Variants in RNF220 observed in about 807,000 individuals in gnomAD.
RNF220 encodes the protein ring finger protein 220, also known as E3 ubiquitin-protein ligase RNF220.
In RNF220, 7 loss-of-function variants were observed where a neutral mutation model predicts 67.1. The ratio of observed to expected loss-of-function variants is 0.10; its 90% CI spans 0.06 to 0.20. RNF220 has a LOEUF of 0.20. RNF220 is among the 10% of genes least tolerant of loss of function. The probability of loss-of-function intolerance (pLI) is 1.00; values close to 1 mark genes in which losing one functional copy is unlikely to be tolerated. For synonymous variants in RNF220, 270 were observed against 283.2 expected, an observed-to-expected ratio of 0.95 and a Z score of 0.47; for missense variants, 565 against 740.3, an observed-to-expected ratio of 0.76 and a Z score of 2.75.
chr1:44,596,948 T>C (rs1666541276), intron 2 of RNF220, among the ~76,000 whole-genome samples: 1 of 152,172 alleles, frequency 6.6e-6, no homozygotes, highest in Admixed American at 6.5e-5. Flanking sequence ...TAATTAATAC[T>C]ATGGCTCAGC....
intron 2 of RNF220, among the ~76,000 whole-genome samples, chr1:44,458,798 T>G (rs758044973): frequency 6.6e-6 from 1 of 152,186 alleles, no homozygotes; most frequent in Non-Finnish European, 1.5e-5. Context: ...ACTCAGCTGG[T>G]AAAAGTGGAA....
At chr1:44,447,236 T>C (rs990055777) in intron 2 of RNF220, among the ~76,000 whole-genome samples, 2 of 152,208 alleles carry the variant, frequency 1.3e-5, no homozygotes, top group Non-Finnish European at 2.9e-5. Context: ...ACACCAGCTG[T>C]GATTCATATA....
intron 2 of RNF220, among the ~76,000 whole-genome samples, chr1:44,453,651 A>T (rs1652900199): frequency 6.6e-6 from 1 of 152,038 alleles, no homozygotes; most frequent in Non-Finnish European, 1.5e-5. Flanking sequence ...TACTAGATAA[A>T]TTTTATCTAG....
At chr1:44,425,570 G>A (rs1649678630) in intron 2 of RNF220, among the ~76,000 whole-genome samples, 1 of 152,084 alleles carries the variant, frequency 6.6e-6, no homozygotes, top group African/African-American at 2.4e-5. Flanking sequence ...ATAGAGGAAC[G>A]GTTCAGCAAT....
chr1:44,577,838 C>CT (rs35754102), intron 2 of RNF220, among the ~76,000 whole-genome samples: 25,716 of 140,280 alleles, frequency 0.18, 2,424 homozygotes, highest in Middle Eastern at 0.27. Flanking sequence ...TGTCAAATGC[C>CT]TTTTTTTTTT....
At chr1:44,601,106 C>T (rs1283937048) in intron 2 of RNF220, among the ~76,000 whole-genome samples, 1 of 152,108 alleles carries the variant, frequency 6.6e-6, no homozygotes, top group Non-Finnish European at 1.5e-5. Context: ...TCCCTAGACC[C>T]CGGTATATTG....
At chr1:44,509,600 C>T (rs1304868704) in intron 2 of RNF220, among the ~76,000 whole-genome samples, 1 of 149,032 alleles carries the variant, frequency 6.7e-6, no homozygotes, top group African/African-American at 2.5e-5. Flanking sequence ...AAAGAAAATA[C>T]GCATAGGCTG....
chr1:44,647,330 A>C (rs1419985956), intron 12 of RNF220, among the ~76,000 whole-genome samples: 1 of 152,186 alleles, frequency 6.6e-6, no homozygotes, highest in Admixed American at 6.5e-5. Flanking sequence ...ACAGCTACAA[A>C]TCCTTGTCTC....
At chr1:44,500,776 A>C (rs1572692768) in intron 2 of RNF220, among the ~76,000 whole-genome samples, 1 of 151,460 alleles carries the variant, frequency 6.6e-6, no homozygotes. Flanking sequence ...GCTGCTGCTG[A>C]GGGAGGGAGT....
chr1:44,523,220 T>C (rs1018431841), intron 2 of RNF220, among the ~76,000 whole-genome samples: 2 of 152,192 alleles, frequency 1.3e-5, no homozygotes, highest in Non-Finnish European at 2.9e-5. Flanking sequence ...TGCACTGGGC[T>C]GATGGCTCCC....
intron 2 of RNF220, among the ~76,000 whole-genome samples, chr1:44,413,080 A>G (rs1443079607): frequency 6.6e-6 from 1 of 152,038 alleles, no homozygotes; most frequent in African/African-American, 2.4e-5. Flanking sequence ...GCCTAAAGAA[A>G]CATGTCCACC....
At chr1:44,468,815 G>T (rs1356920392) in intron 2 of RNF220, among the ~76,000 whole-genome samples, 1 of 152,124 alleles carries the variant, frequency 6.6e-6, no homozygotes, top group Non-Finnish European at 1.5e-5. Context: ...TACTTGAGAG[G>T]CTGAGGCACG....
intron 2 of RNF220, among the ~76,000 whole-genome samples, chr1:44,556,249 G>A (rs971225406): frequency 1.1e-4 from 17 of 150,178 alleles, no homozygotes; most frequent in African/African-American, 4.2e-4. Flanking sequence ...GGCCAGGCTG[G>A]TCTCGAACTC....
chr1:44,645,248 A>C lies in RNF220; in HGVS notation c.1338A>C (p.Thr446=). ...GCGGCCCTCCCAGCACGCGCATCAC[A>C]CCTGAGTTCTCTAAATGGGCCAGTG... is the stretch of plus-strand genomic sequence containing the variant. ...LNGGPPSTRI[T]PEFSKWASDE... The change falls in exon 11 of 15, where the codon ACA becomes ACC. Residue 446 remains threonine, a synonymous_variant. Transcript: ENST00000361799. This position sits in a 1 kb window ranked among gnomAD's most constrained non-coding sequence, Gnocchi z 5.0. 6.2e-7 allele frequency: 1 copy of C among 1,613,654 alleles called. No individual in the cohort carries two copies. The highest frequency in any genetic ancestry group is 8.5e-7 in the Non-Finnish European group (1 of 1,179,900).
At position 44,650,958 on chromosome 1, in the gene RNF220, C is replaced by G; in HGVS notation, c.*183C>G. 3.2e-6 allele frequency: 2 copies of G among 616,932 alleles called. No individual in the cohort carries two copies. 38.2% of individuals were successfully genotyped at this position (616,932 alleles called of 1,614,324 possible). On this transcript the variant is annotated 3_prime_UTR_variant, in exon 15 of 15. Coordinates refer to ENST00000361799, the MANE Select transcript of RNF220 (RefSeq NM_018150.4). This position sits in a 1 kb window ranked among gnomAD's most constrained non-coding sequence, Gnocchi z 4.3. ...CAGGACTCTGGAGCCAGAGTAGAGGCTGTGGCCCAGGCACTACCTGCTGGC... is the reference window on the plus strand; with the variant it reads ...CAGGACTCTGGAGCCAGAGTAGAGGGTGTGGCCCAGGCACTACCTGCTGGC...
At chr1:44,517,442 G>T (rs1659543947) in intron 2 of RNF220, among the ~76,000 whole-genome samples, 1 of 152,112 alleles carries the variant, frequency 6.6e-6, no homozygotes, top group African/African-American at 2.4e-5. Context: ...GTCTATAAAA[G>T]ATTTCACCTG....
intron 2 of RNF220, among the ~76,000 whole-genome samples, chr1:44,442,799 G>A (rs1188041017): frequency 6.6e-6 from 1 of 152,154 alleles, no homozygotes; most frequent in African/African-American, 2.4e-5. Flanking sequence ...TTACAGGCAT[G>A]AGCCACCATG....
At chr1:44,416,595 T>C (rs1325996270) in intron 2 of RNF220, among the ~76,000 whole-genome samples, 5 of 152,126 alleles carry the variant, frequency 3.3e-5, no homozygotes, top group Non-Finnish European at 7.4e-5. Context: ...CAGATTGGAG[T>C]TGGCGAAGTA....
rs183975662 is a variant in RNF220 at position 44,626,845 on chromosome 1, T to G, written c.906+447T>G. 2.6e-3 allele frequency: 409 copies of G among 159,466 alleles called. 3 individuals are homozygous for G. Among genetic ancestry groups the G allele is most frequent in the African/African-American group, 9.5e-3 (395 of 41,424 alleles). 9.9% of individuals were successfully genotyped at this position (159,466 alleles called of 1,614,324 possible). ...CGAGGTCAAGAGATCAAGACCATCC[T>G]GGCCAACATGGTGAGACCCCATCTC... is the stretch of plus-strand genomic sequence containing the variant. On this transcript the variant is annotated intron_variant, in intron 5 of 14. Coordinates refer to ENST00000361799, the MANE Select transcript of RNF220 (RefSeq NM_018150.4).
Sources: gnomAD v4.1 joint callset for allele counts (sites outside exome capture counted in the v4.1 genomes callset) on GRCh38, gnomAD v4.1.1 for gene constraint, Gnocchi (gnomAD v3.1) non-coding constraint, MANE v1.5 for transcripts, NCBI Gene and HGNC (gene_info 2026-07-23, HGNC 2026-07-21) for gene names.